Variants in AATF observed in about 807,000 individuals in gnomAD.
AATF encodes protein AATF.
Under a neutral mutation model 63.7 loss-of-function variants are expected in AATF, and 48 were observed. The ratio of observed to expected loss-of-function variants is 0.75; its 90% CI spans 0.60 to 0.96. AATF has a LOEUF of 0.96. Among genes scored for constraint, AATF ranks in the 40% least tolerant of loss-of-function variants. AATF has a pLI of 0.00. For synonymous variants in AATF, 258 were observed against 247.7 expected, an observed-to-expected ratio of 1.04 and a Z score of -0.39; for missense variants, 639 against 685.7, an observed-to-expected ratio of 0.93 and a Z score of 0.76.
intron 9 of AATF, 147 bp from the exon 10 acceptor site, chr17:37,020,787 T>C: frequency 1.8e-6 from 1 of 559,674 alleles, no homozygotes. Flanking sequence ...TTCAATTGAT[T>C]AGTCAGTTTG....
chr17:36,968,541 A>G (rs1382819288), intron 4 of AATF, among the ~76,000 whole-genome samples: 2 of 151,308 alleles, frequency 1.3e-5, no homozygotes, highest in African/African-American at 2.4e-5. Context: ...TTCTCAAAGC[A>G]CTGGGATTAT....
intron 8 of AATF, among the ~76,000 whole-genome samples, chr17:36,991,258 C>T (rs938784439): frequency 1.3e-5 from 2 of 152,122 alleles, no homozygotes; most frequent in South Asian, 2.1e-4. Context: ...TCCTGAATTG[C>T]GCTACTGATC....
chr17:36,980,671 T>C (rs2071115720), intron 4 of AATF, among the ~76,000 whole-genome samples: 1 of 152,106 alleles, frequency 6.6e-6, no homozygotes, highest in African/African-American at 2.4e-5. Flanking sequence ...AAGAATTCAC[T>C]GTTGGATTTG....
chr17:36,981,886 C>T (rs1414533831), intron 4 of AATF, among the ~76,000 whole-genome samples: 1 of 152,004 alleles, frequency 6.6e-6, no homozygotes, highest in Middle Eastern at 3.4e-3. Context: ...ACTATCCTAA[C>T]CATTTTTAAG....
At position 37,056,620 on chromosome 17, in the gene AATF, C is replaced by T; in HGVS notation, c.1639C>T (p.Leu547Phe). 1 of 1,614,204 alleles carries T rather than the reference C, an allele frequency of 6.2e-7. No individual in the cohort carries two copies. Among genetic ancestry groups the T allele is most frequent in the Non-Finnish European group, 8.5e-7 (1 of 1,180,042 alleles). ...TTTTAGGACAGAACTGTACCGCTCT[C>T]TTTTTGGCCAGCTCCACCCTCCCGA... ...DDARTELYRS[L>F]FGQLHPPDEG... The change falls in exon 12 of 12, where the codon CTT becomes TTT. Residue 547 changes from leucine to phenylalanine, a missense_variant. By Grantham distance (22) the Leu-to-Phe change is conservative. Transcript: ENST00000619387.
intron 8 of AATF, among the ~76,000 whole-genome samples, chr17:37,013,463 C>T (rs2071406576): frequency 6.6e-6 from 1 of 152,184 alleles, no homozygotes; most frequent in South Asian, 2.1e-4. Flanking sequence ...GTGGAAGCCT[C>T]AGGCTGCTTC....
chr17:37,012,024 G>T (rs951728646), intron 8 of AATF, among the ~76,000 whole-genome samples: 2 of 151,578 alleles, frequency 1.3e-5, no homozygotes, highest in African/African-American at 4.9e-5. Context: ...CTCAAATATG[G>T]TATATAAAAA....
intron 8 of AATF, among the ~76,000 whole-genome samples, chr17:37,001,437 A>G (rs2071295964): frequency 9.9e-5 from 13 of 131,728 alleles, no homozygotes; most frequent in Admixed American, 2.9e-4. Context: ...GGAAGGAAGG[A>G]AGGAAGGAAG....
chr17:37,016,796 A>G (rs1022389871), intron 8 of AATF, among the ~76,000 whole-genome samples: 7 of 152,170 alleles, frequency 4.6e-5, no homozygotes, highest in Non-Finnish European at 1.0e-4. Flanking sequence ...GGAAAATAGT[A>G]ATAGCCACGG....
rs1305707069 is a variant in AATF, at chr17:36,989,307, G to C, written c.1210G>C (p.Glu404Gln). The change falls in exon 7 of 12, where the codon GAG (glutamate) becomes CAG (glutamine). Residue 404 changes from glutamate to glutamine, a missense_variant. Coordinates refer to ENST00000619387, the MANE Select transcript of AATF (RefSeq NM_012138.4). ...TQIDHILMDK[E>Q]RLLRRTQTKR... ...GATCGACCATATTCTGATGGACAAA[G>C]AGAGATTACTTCGAAGGACACAGAC... 2.5e-6 allele frequency: 4 copies of C among 1,613,878 alleles called. No individual in the cohort carries two copies. The highest frequency in any genetic ancestry group is 3.4e-6 in the Non-Finnish European group (4 of 1,180,008).
At chr17:37,048,484 G>A (rs2071715566) in intron 11 of AATF, among the ~76,000 whole-genome samples, 1 of 149,668 alleles carries the variant, frequency 6.7e-6, no homozygotes, top group Non-Finnish European at 1.5e-5. Context: ...GATTTTCCCG[G>A]CTCAGCCTCC....
At chr17:36,967,177 C>T (rs1037608389) in intron 4 of AATF, among the ~76,000 whole-genome samples, 95 of 152,054 alleles carry the variant, frequency 6.2e-4, no homozygotes, top group African/African-American at 2.2e-3. Flanking sequence ...GAAGATTTAG[C>T]TCTTATTCCT....
chr17:36,988,348 C>T (rs982204372), intron 5 of AATF, among the ~76,000 whole-genome samples, 171 bp from the exon 6 acceptor site: 5 of 152,128 alleles, frequency 3.3e-5, no homozygotes, highest in African/African-American at 1.2e-4. Context: ...TGATTGATCT[C>T]ATGAATATTC....
At chr17:36,998,239 T>C (rs1021671864) in intron 8 of AATF, among the ~76,000 whole-genome samples, 7 of 152,104 alleles carry the variant, frequency 4.6e-5, no homozygotes, top group Non-Finnish European at 8.8e-5. Flanking sequence ...AAAATGTATA[T>C]GTATTGTTGA....
Position 36,988,551 on chromosome 17 carries a change from TAGAAG to T in AATF, c.987_991del (p.Lys330AlafsTer42). 1 of 1,614,056 alleles carries T rather than the reference TAGAAG, an allele frequency of 6.2e-7. No individual in the cohort carries two copies. The highest frequency in any genetic ancestry group is 8.5e-7 in the Non-Finnish European group (1 of 1,180,002). On this transcript the variant is annotated frameshift_variant, in exon 6 of 12. Transcript: ENST00000619387. LOFTEE classifies it high-confidence loss of function. ...ATTTCTAGTGAAGATGATGAGCTGGTAGAAGAGAAGAAGCAGCAACGAAGAAGGGT... is the reference window on the plus strand; with the variant it reads ...ATTTCTAGTGAAGATGATGAGCTGGTAGAAGAAGCAGCAACGAAGAAGGGT...
chr17:37,012,798 A>G (rs1047960436), intron 8 of AATF, among the ~76,000 whole-genome samples: 1 of 152,210 alleles, frequency 6.6e-6, no homozygotes. Context: ...TCCACATGTA[A>G]AAGAATGAAG....
intron 8 of AATF, among the ~76,000 whole-genome samples, chr17:37,012,820 C>T (rs941496824): frequency 5.9e-5 from 9 of 152,158 alleles, no homozygotes; most frequent in Non-Finnish European, 1.3e-4. Context: ...TGGACCCCTA[C>T]CTTACACTAT....
In AATF at chr17:36,999,603, C is replaced by T. The variant is rs528426830; in HGVS notation, c.1398+8746C>T. 5.3e-5 allele frequency among the ~76,000 whole-genome samples: 8 copies of T among 152,232 alleles called. No individual in the cohort carries two copies. In the South Asian group the frequency reaches 8.3e-4, roughly 16 times the overall value. On this transcript the variant is annotated intron_variant, in intron 8 of 11. Coordinates refer to ENST00000619387, the MANE Select transcript of AATF (RefSeq NM_012138.4). ...GTTCCTGCCCTCATGAGCGTTCATT[C>T]TAGCTTAGAGGTAGGATGAAACAGG...
At chr17:37,039,691 C>G (rs1367615183) in intron 11 of AATF, among the ~76,000 whole-genome samples, 4 of 152,138 alleles carry the variant, frequency 2.6e-5, no homozygotes, top group African/African-American at 9.7e-5. Context: ...CTTCTTTCGC[C>G]AGTAATGTCA....
Sources: gnomAD v4.1 joint callset for allele counts (sites outside exome capture counted in the v4.1 genomes callset) on GRCh38, gnomAD v4.1.1 for gene constraint, MANE v1.5 for transcripts, NCBI Gene and HGNC (gene_info 2026-07-23, HGNC 2026-07-21) for gene names.